The following DYNC2LI1 variants were observed in gnomAD, a reference collection of about 807,000 sequenced individuals.
DYNC2LI1 encodes dynein cytoplasmic 2 light intermediate chain 1.
In DYNC2LI1, 45 loss-of-function variants were observed where a neutral mutation model predicts 51.9. The observed-to-expected ratio is 0.87, with a 90% CI of 0.68 to 1.11. The LOEUF (loss-of-function observed/expected upper bound fraction) is 1.11, where lower values mean the gene tolerates loss of function less well. Among genes scored for constraint, DYNC2LI1 ranks in the 50% most tolerant of loss-of-function variants. The probability of loss-of-function intolerance (pLI) is 0.00; values close to 1 mark genes in which losing one functional copy is unlikely to be tolerated. For synonymous variants in DYNC2LI1, 130 were observed against 137.8 expected (o/e 0.94, Z 0.40); for missense variants, 490 against 417.4 (o/e 1.17, Z -1.51).
chr2:43,805,313 AT>A, intron 12 of DYNC2LI1, 67 bp downstream of exon 12: 2 of 954,534 alleles, frequency 2.1e-6, no homozygotes. Context: ...TGCCTTGGGA[AT>A]TCCTTACATT....
intron 8 of DYNC2LI1, among the ~76,000 whole-genome samples, chr2:43,799,046 A>G (rs541706370): frequency 1.3e-5 from 2 of 152,134 alleles, no homozygotes; most frequent in African/African-American, 4.8e-5. Context: ...TCTTGCCTCT[A>G]ATCTCAACAC....
rs747785913 is a variant in DYNC2LI1, at chr2:43,809,751, T to A, written c.1040T>A (p.Ile347Asn). The A allele has an allele frequency of 4.2e-5, 67 of 1,611,970 alleles. No homozygotes were observed. The highest frequency in any genetic ancestry group is 5.4e-5 in the Non-Finnish European group (64 of 1,179,106). Residue 347 changes from isoleucine to asparagine, a missense_variant, in exon 13 of 13, where the codon ATC (isoleucine) becomes AAC (asparagine). Physicochemically the swap from Ile to Asn is moderately radical, Grantham distance 149. Transcript: ENST00000260605. ...AGTTCTTCCAAGTCTTGGAAACAAA[T>A]CGAGCTTGATTCTTGAACCTATTTC... ...KRSSSKSWKQIELDS is the reference protein window; with the variant it reads ...KRSSSKSWKQNELDS
At chr2:43,813,709 G>GGTT (rs1666623066), downstream of DYNC2LI1, among the ~76,000 whole-genome samples, 3 of 34,068 alleles carry the variant, frequency 8.8e-5, no homozygotes, top group South Asian at 1.3e-3. Context: ...TTTTTTTTTC[G>GGTT]TTTTTTTTTT....
At chr2:43,783,666 ATTTAATTC>A (rs1673393450) in intron 3 of DYNC2LI1, 112 bp downstream of exon 3, 1 of 651,332 alleles carries the variant, frequency 1.5e-6, no homozygotes, top group Admixed American at 3.2e-5. Flanking sequence ...CAAACAAAAT[ATTTAATTC>A]TTAGCAAATC....
intron 1 of DYNC2LI1, chr2:43,775,854 ATTTTTTTTT>A (rs57868887): frequency 5.4e-4 from 27 of 50,448 alleles, no homozygotes; most frequent in African/African-American, 1.9e-3. Flanking sequence ...CACCTGGCCA[ATTTTTTTTT>A]TTTTTTTTTT....
chr2:43,806,000 C>G (rs1351158542), intron 12 of DYNC2LI1, among the ~76,000 whole-genome samples: 2 of 151,970 alleles, frequency 1.3e-5, no homozygotes, highest in African/African-American at 4.8e-5. Context: ...TCTGCTTCAG[C>G]CTCCTGAGTG....
At chr2:43,827,609 G>A in the DYNC2LI1 span, among the ~76,000 whole-genome samples, 1 of 152,000 alleles carries the variant, frequency 6.6e-6, no homozygotes, top group Non-Finnish European at 1.5e-5. Context: ...TTTAATTCCT[G>A]CCATTTCATG....
the DYNC2LI1 span, among the ~76,000 whole-genome samples, chr2:43,826,733 G>C: frequency 6.6e-6 from 1 of 152,234 alleles, no homozygotes; most frequent in Non-Finnish European, 1.5e-5. Flanking sequence ...GCACATGTGG[G>C]CTCAAATCCT....
At chr2:43,797,601 C>T (rs963155148) in intron 8 of DYNC2LI1, among the ~76,000 whole-genome samples, 2 of 147,884 alleles carry the variant, frequency 1.4e-5, no homozygotes, top group Non-Finnish European at 3.0e-5. Flanking sequence ...CTCACTGCAA[C>T]CTCTATCTCC....
At chr2:43,808,617 A>G (rs1008360120) in intron 12 of DYNC2LI1, among the ~76,000 whole-genome samples, 1 of 152,188 alleles carries the variant, frequency 6.6e-6, no homozygotes, top group African/African-American at 2.4e-5. Context: ...ACTAAAATTT[A>G]TTTATGAATT....
the DYNC2LI1 span, among the ~76,000 whole-genome samples, chr2:43,820,838 G>C: frequency 9.9e-5 from 15 of 152,190 alleles, no homozygotes; most frequent in East Asian, 2.9e-3. Context: ...GTATTTAGTA[G>C]AGATGGGGTT....
the DYNC2LI1 span, chr2:43,824,018 C>A: frequency 6.2e-7 from 1 of 1,614,192 alleles, no homozygotes. Flanking sequence ...TTGCTTCGGA[C>A]CCGCAGAACG....
intron 5 of DYNC2LI1, chr2:43,794,133 A>C (rs1217677265): frequency 1.5e-5 from 3 of 206,136 alleles, no homozygotes; most frequent in African/African-American, 7.0e-5. Context: ...CCTTTTTTGG[A>C]GCACACAGTA....
chr2:43,777,113 T>C (rs1174559309), intron 2 of DYNC2LI1, among the ~76,000 whole-genome samples: 2 of 152,232 alleles, frequency 1.3e-5, no homozygotes, highest in African/African-American at 4.8e-5. Flanking sequence ...TTTTATTTCA[T>C]GATTTGAAAA....
At chr2:43,788,479 C>G (rs1363230945) in intron 4 of DYNC2LI1, among the ~76,000 whole-genome samples, 1 of 152,086 alleles carries the variant, frequency 6.6e-6, no homozygotes, top group East Asian at 1.9e-4. Flanking sequence ...ATTTAATTCC[C>G]TAGGAGTCCT....
intron 2 of DYNC2LI1, among the ~76,000 whole-genome samples, chr2:43,780,325 C>G (rs936031787): frequency 2.6e-5 from 4 of 152,082 alleles, no homozygotes; most frequent in Non-Finnish European, 4.4e-5. Flanking sequence ...ACTGAGAGCT[C>G]CGGATGTCAG....
At chr2:43,814,644 C>T (rs1002328901), downstream of DYNC2LI1, 1 of 1,035,274 alleles carries the variant, frequency 9.7e-7, no homozygotes, top group Non-Finnish European at 1.5e-6. Context: ...ATAGTCCTAC[C>T]AAATGAAAAG....
chr2:43,802,058 C>T (rs1666094680), intron 10 of DYNC2LI1, among the ~76,000 whole-genome samples: 2 of 152,046 alleles, frequency 1.3e-5, no homozygotes, highest in Admixed American at 1.3e-4. Context: ...TGAGGAAATT[C>T]AAAGCTACAT....
At chr2:43,806,519 G>A (rs944080937) in intron 12 of DYNC2LI1, among the ~76,000 whole-genome samples, 3 of 152,314 alleles carry the variant, frequency 2.0e-5, no homozygotes, top group East Asian at 1.9e-4. Flanking sequence ...TGAGAGGCAT[G>A]TTGTAGAAAC....
Sources: allele counts gnomAD v4.1 joint callset (sites outside exome capture counted in the v4.1 genomes callset), GRCh38; gene constraint gnomAD v4.1.1; transcripts MANE v1.5; gene names NCBI Gene and HGNC (gene_info 2026-07-23, HGNC 2026-07-21).